PCSK6: variants seen among roughly 807,000 people sequenced by gnomAD.
PCSK6 encodes proprotein convertase subtilisin/kexin type 6.
Under a neutral mutation model 123.3 loss-of-function variants are expected in PCSK6, and 85 were observed. That is an observed-to-expected ratio of 0.69 (90% CI 0.58 to 0.83). The LOEUF is 0.83. Among genes scored for constraint, PCSK6 ranks in the 40% least tolerant of loss-of-function variants. The pLI is 0.00. For synonymous variants in PCSK6, 508 were observed against 516.0 expected, an observed-to-expected ratio of 0.98 and a Z score of 0.21; for missense variants, 1,191 against 1,282.3, an observed-to-expected ratio of 0.93 and a Z score of 1.09.
chr15:101,393,971 C>G (rs1018333610), intron 7 of PCSK6, among the ~76,000 whole-genome samples: 3 of 152,134 alleles, frequency 2.0e-5, no homozygotes, highest in Admixed American at 6.6e-5. Flanking sequence ...TGCGTGAAGA[C>G]AGAATAGGTG....
At chr15:101,321,682 C>T (rs1174415579) in intron 18 of PCSK6, among the ~76,000 whole-genome samples, 9 of 152,238 alleles carry the variant, frequency 5.9e-5, no homozygotes, top group African/African-American at 1.2e-4. Flanking sequence ...AGCCCTCCAC[C>T]GCCTCACCCT....
chr15:101,442,086 T>C (rs1473261702), intron 2 of PCSK6, among the ~76,000 whole-genome samples: 1 of 152,198 alleles, frequency 6.6e-6, no homozygotes, highest in Non-Finnish European at 1.5e-5. Context: ...CTGGCTTTTT[T>C]CCTAGAGGAT....
chr15:101,418,701 C>T (rs894383888), intron 6 of PCSK6, among the ~76,000 whole-genome samples: 1 of 152,024 alleles, frequency 6.6e-6, no homozygotes, highest in Non-Finnish European at 1.5e-5. Context: ...TTAGTACAAA[C>T]AGGGTTTCAA....
intron 13 of PCSK6, chr15:101,346,935 G>C: frequency 2.4e-6 from 3 of 1,231,690 alleles, no homozygotes; most frequent in Non-Finnish European, 3.0e-6. Flanking sequence ...AACGAGGAGA[G>C]TTTTGGGGAA....
chr15:101,413,293 T>G (rs1464059433), intron 6 of PCSK6, among the ~76,000 whole-genome samples: 1 of 152,194 alleles, frequency 6.6e-6, no homozygotes, highest in Non-Finnish European at 1.5e-5. Context: ...AAGGTTTCTG[T>G]ACCTCACGCT....
intron 11 of PCSK6, among the ~76,000 whole-genome samples, chr15:101,379,053 G>A (rs528323152): frequency 8.3e-4 from 126 of 152,356 alleles, no homozygotes; most frequent in African/African-American, 2.8e-3. Flanking sequence ...CAGCAGCTCC[G>A]CAGGGGGACA....
chr15:101,451,886 T>C (rs2057045347), intron 1 of PCSK6, among the ~76,000 whole-genome samples: 1 of 152,240 alleles, frequency 6.6e-6, no homozygotes, highest in African/African-American at 2.4e-5. Flanking sequence ...TAAATATAGA[T>C]GACCACTGGA....
At chr15:101,374,983 T>C (rs1481690225) in intron 11 of PCSK6, among the ~76,000 whole-genome samples, 1 of 151,486 alleles carries the variant, frequency 6.6e-6, no homozygotes, top group Admixed American at 6.6e-5. Context: ...AGATGGAGTC[T>C]CACTCTGTCC....
intron 1 of PCSK6, among the ~76,000 whole-genome samples, chr15:101,471,909 G>A (rs566951478): frequency 3.9e-4 from 60 of 152,252 alleles, no homozygotes; most frequent in African/African-American, 1.2e-3. Flanking sequence ...ACACATGCAC[G>A]TTGTTATGCA....
intron 2 of PCSK6, among the ~76,000 whole-genome samples, chr15:101,432,674 G>C (rs1463967043): frequency 6.6e-6 from 1 of 151,986 alleles, no homozygotes; most frequent in Admixed American, 6.6e-5. Context: ...AGACAAGAAG[G>C]AAGGGAGGGA....
intron 1 of PCSK6, among the ~76,000 whole-genome samples, chr15:101,453,514 GA>G (rs2057090784): frequency 6.6e-6 from 1 of 152,226 alleles, no homozygotes; most frequent in Non-Finnish European, 1.5e-5. Context: ...TGAGCCTGCG[GA>G]GGCTCCAGGA....
intron 6 of PCSK6, among the ~76,000 whole-genome samples, chr15:101,403,388 T>C (rs936690660): frequency 3.3e-5 from 5 of 150,690 alleles, no homozygotes; most frequent in South Asian, 2.1e-4. Flanking sequence ...AACCTGCACA[T>C]TGTGCACATG....
chr15:101,365,983 T>C (rs2041375164), intron 13 of PCSK6: 1 of 437,398 alleles, frequency 2.3e-6, no homozygotes, highest in African/African-American at 2.0e-5. Context: ...TGGAATTAGA[T>C]AGTGCTGACG....
intron 1 of PCSK6, among the ~76,000 whole-genome samples, chr15:101,449,375 C>T (rs184035646): frequency 2.0e-5 from 3 of 151,166 alleles, no homozygotes; most frequent in Non-Finnish European, 3.0e-5. Flanking sequence ...ATGTGGAACC[C>T]GTGGATAAAG....
chr15:101,314,406 C>T (rs1421255228), intron 19 of PCSK6, among the ~76,000 whole-genome samples: 1 of 152,046 alleles, frequency 6.6e-6, no homozygotes, highest in Non-Finnish European at 1.5e-5. Context: ...GAGAGGGTTA[C>T]AGGCAGGGAG....
intron 13 of PCSK6, among the ~76,000 whole-genome samples, chr15:101,334,907 G>C (rs2040443606): frequency 6.6e-6 from 1 of 152,174 alleles, no homozygotes; most frequent in South Asian, 2.1e-4. Context: ...GAATGGAAGA[G>C]AGACTTCATT....
intron 6 of PCSK6, among the ~76,000 whole-genome samples, chr15:101,417,567 C>T (rs574361635): frequency 2.0e-4 from 31 of 152,122 alleles, no homozygotes; most frequent in Middle Eastern, 3.4e-3. Context: ...TAAGCTGAAA[C>T]GTACAATTAT....
At chr15:101,360,374 G>A (rs1213028335) in intron 13 of PCSK6, among the ~76,000 whole-genome samples, 1 of 152,178 alleles carries the variant, frequency 6.6e-6, no homozygotes, top group African/African-American at 2.4e-5. Context: ...AGCCCAGTGC[G>A]ATCTGGTCCC....
intron 11 of PCSK6, among the ~76,000 whole-genome samples, chr15:101,377,030 C>T (rs750670062): frequency 7.2e-5 from 11 of 152,216 alleles, no homozygotes; most frequent in East Asian, 3.8e-4. Flanking sequence ...CCAAAGAAAA[C>T]GAGGGCTCTT....
Sources: gnomAD v4.1 joint callset for allele counts (sites outside exome capture counted in the v4.1 genomes callset) on GRCh38, gnomAD v4.1.1 for gene constraint, MANE v1.5 for transcripts, NCBI Gene and HGNC (gene_info 2026-07-23, HGNC 2026-07-21) for gene names.